CIITA: variants seen among roughly 807,000 people sequenced by gnomAD.
CIITA encodes the protein class II major histocompatibility complex transactivator, also known as MHC class II transactivator.
A neutral mutation model predicts 115.1 loss-of-function variants in CIITA; 72 were observed. That is an observed-to-expected ratio of 0.63 (90% confidence interval 0.52 to 0.76). The LOEUF is 0.76. Ranked by LOEUF, CIITA falls within the 30% of genes least tolerant of loss-of-function variation. The probability of loss-of-function intolerance (pLI) is 0.00; values close to 1 mark genes in which losing one functional copy is unlikely to be tolerated. For synonymous variants in CIITA, 763 were observed against 635.6 expected (o/e 1.20, Z -3.02); for missense variants, 1,617 against 1,463.8 (o/e 1.10, Z -1.71).
chr16:10,915,565 C>A lies in CIITA; in HGVS notation c.2889-5C>A. The A allele has an allele frequency of 1.2e-6, 2 of 1,613,786 alleles. No individual in the cohort carries two copies. The highest frequency in any genetic ancestry group is 1.7e-6 in the Non-Finnish European group (2 of 1,179,714). On this transcript the variant is annotated splice_region_variant and splice_polypyrimidine_tract_variant and intron_variant, in intron 13 of 19. Transcript: ENST00000324288. ...GAGGTCTTACCCTTGCTCTTTGCCT[C>A]CTAGGCTGGGCCCTGTCTCAGGCCC...
rs770306852 is a variant in CIITA, at chr16:10,906,643, C to T, written c.1151C>T (p.Thr384Ile). ...AAGAGCCTGGAGCGGGAACTGGCCA[C>T]CCCGGACTGGGCAGAACGGCAGCTG... The part of the protein sequence containing the change: ...SSKSLERELA[T>I]PDWAERQLAQ... The change falls in exon 11 of 20, where the codon ACC becomes ATC. Residue 384 changes from threonine (T) to isoleucine (I), a missense_variant. Thr to Ile is a moderately conservative substitution (Grantham distance 89). Coordinates refer to ENST00000324288, the MANE Select transcript of CIITA (RefSeq NM_000246.4). 1 of 1,613,894 alleles carries T rather than the reference C, an allele frequency of 6.2e-7. No homozygotes were observed. The highest frequency in any genetic ancestry group is 1.1e-5 in the South Asian group (1 of 91,082).
intron 1 of CIITA, among the ~76,000 whole-genome samples, chr16:10,880,850 T>C (rs2036350867): frequency 6.6e-6 from 1 of 152,184 alleles, no homozygotes; most frequent in Non-Finnish European, 1.5e-5. Flanking sequence ...GGTTCATCTG[T>C]AAAATGGATA....
rs2041015310 is a variant in CIITA, at chr16:10,936,172, T to C, written c.*12317T>C. 6.6e-6 allele frequency: 1 copy of C among 152,032 alleles called. No homozygotes were observed. The highest frequency in any genetic ancestry group is 2.1e-4 in the South Asian group (1 of 4,804). The allele number at this position is 152,032 out of a possible 1,614,324, so 9.4% of individuals were successfully genotyped here. A position where few individuals can be genotyped will look rare whatever the true frequency, so the allele number is the denominator to read the frequency against. On this transcript the variant is annotated 3_prime_UTR_variant, in exon 20 of 20. Coordinates refer to ENST00000324288, the MANE Select transcript of CIITA (RefSeq NM_000246.4). ...CACCTCGCTATTTTTTTTTTCCTAC[T>C]TTTTGTAGAGACGGGGTCTCACTAT...
intron 11 of CIITA, 142 bp downstream of exon 11, chr16:10,908,291 A>C: frequency 9.8e-7 from 1 of 1,022,998 alleles, no homozygotes; most frequent in Non-Finnish European, 1.5e-6. Context: ...CATTTTTAAG[A>C]TGAGGATGTT....
chr16:10,915,882 T>C (rs896384715), intron 14 of CIITA, among the ~76,000 whole-genome samples: 1 of 152,206 alleles, frequency 6.6e-6, no homozygotes, highest in Non-Finnish European at 1.5e-5. Context: ...GTCCCTTTTT[T>C]TCTCTCTTCC....
In CIITA at chr16:10,895,837, C is replaced by T. The variant is rs1176072439; in HGVS notation, c.295+73C>T. ...CTTTGCTGCCACTTGTCAATATCAC[C>T]CATTCATCATGAGCCACGTCAGTCC... On this transcript the variant is annotated intron_variant, in intron 3 of 19. Coordinates refer to ENST00000324288, the MANE Select transcript of CIITA (RefSeq NM_000246.4). 3 of 1,430,878 alleles carry T rather than the reference C, an allele frequency of 2.1e-6. No homozygotes were observed. The African/African-American group carries it at 4.2e-5, about 20-fold the overall frequency. 88.6% of individuals were successfully genotyped at this position (1,430,878 alleles called of 1,614,324 possible). A position where few individuals can be genotyped will look rare whatever the true frequency, so the allele number is the denominator to read the frequency against.
intron 3 of CIITA, 79 bp downstream of exon 3, chr16:10,895,843 A>G: frequency 2.9e-6 from 4 of 1,357,078 alleles, no homozygotes; most frequent in Non-Finnish European, 4.2e-6. Flanking sequence ...TCACCCATTC[A>G]TCATGAGCCA....
chr16:10,935,015 C>T lies in CIITA; in HGVS notation c.*11160C>T, dbSNP rs145322003. On this transcript the variant is annotated 3_prime_UTR_variant, in exon 20 of 20. Coordinates refer to ENST00000324288, the MANE Select transcript of CIITA (RefSeq NM_000246.4). ...GGTCTGACACGCCATTGACACTGAC[C>T]ACGTCATTCATTAAGCAAGCACCAA... is the stretch of plus-strand genomic sequence containing the variant. The T allele has an allele frequency of 2.8e-4, 43 of 152,364 alleles. No homozygotes were observed. The highest frequency in any genetic ancestry group is 1.0e-3 in the African/African-American group (43 of 41,582). The allele number at this position is 152,364 out of a possible 1,614,324, so 9.4% of individuals were successfully genotyped here. A position where few individuals can be genotyped will look rare whatever the true frequency, so the allele number is the denominator to read the frequency against.
intron 12 of CIITA, among the ~76,000 whole-genome samples, chr16:10,909,878 G>T (rs1282078235): frequency 6.6e-6 from 1 of 151,716 alleles, no homozygotes; most frequent in Non-Finnish European, 1.5e-5. Context: ...GGGATTATAG[G>T]TGCACGTCAT....
At chr16:10,908,456 C>A (rs144330450) in intron 11 of CIITA, 3 of 505,964 alleles carry the variant, frequency 5.9e-6, no homozygotes, top group East Asian at 7.5e-5. Flanking sequence ...TCTTTCCACC[C>A]CCTGAGCACG....
At position 10,907,249 on chromosome 16, in the gene CIITA, G is replaced by C; in HGVS notation, c.1757G>C (p.Gly586Ala). The change falls in exon 11 of 20, where the codon GGG becomes GCG. Residue 586 changes from glycine to alanine, a missense_variant. Transcript: ENST00000324288. This position sits in a 1 kb window ranked among gnomAD's most constrained non-coding sequence, Gnocchi z 5.0. Reference sequence around the variant, plus strand: ...GTGATGCGCTACTTTGAGAGCTCAGGGATGACAGAGCACCAAGACAGAGCC... The same window carrying C: ...GTGATGCGCTACTTTGAGAGCTCAGCGATGACAGAGCACCAAGACAGAGCC... ...AYVMRYFESS[G>A]MTEHQDRALT... 1 of 1,613,482 alleles carries C rather than the reference G, an allele frequency of 6.2e-7. No homozygotes were observed. The highest frequency in any genetic ancestry group is 8.5e-7 in the Non-Finnish European group (1 of 1,179,992).
intron 1 of CIITA, among the ~76,000 whole-genome samples, chr16:10,884,032 A>C (rs572603638): frequency 2.6e-5 from 4 of 152,316 alleles, no homozygotes; most frequent in African/African-American, 9.6e-5. Context: ...GTTTGTTTAC[A>C]TGAGGGTTTA....
Position 10,925,834 on chromosome 16 carries a change from G to C in CIITA, c.*1979G>C, listed in dbSNP as rs941632192. On this transcript the variant is annotated 3_prime_UTR_variant, in exon 20 of 20. Coordinates refer to ENST00000324288, the MANE Select transcript of CIITA (RefSeq NM_000246.4). The stretch of plus-strand genomic sequence containing the variant: ...AAATTAATTGTTTGGGGATGAGAAA[G>C]GTTGAAGCACCAAAAGCTTACCAAG... 2.0e-5 allele frequency: 3 copies of C among 152,242 alleles called. No individual in the cohort carries two copies. Among genetic ancestry groups the C allele is most frequent in the African/African-American group, 4.8e-5 (2 of 41,460 alleles). 9.4% of individuals were successfully genotyped at this position (152,242 alleles called of 1,614,324 possible). A position where few individuals can be genotyped will look rare whatever the true frequency, so the allele number is the denominator to read the frequency against.
intron 13 of CIITA, chr16:10,913,312 CTTTTTTCTTTTTCT>C (rs2039713563): frequency 6.9e-6 from 1 of 145,086 alleles, no homozygotes. Flanking sequence ...TTTCTTTTTC[CTTTTTTCTTTTTCT>C]TTTTTTGAGG....
intron 1 of CIITA, among the ~76,000 whole-genome samples, chr16:10,885,126 G>A (rs1322364659): frequency 6.6e-6 from 1 of 152,172 alleles, no homozygotes; most frequent in African/African-American, 2.4e-5. Flanking sequence ...TTGTGATGGT[G>A]ATTTAGACAC....
At chr16:10,922,310 C>T (rs2040317342) in intron 17 of CIITA, 60 bp downstream of exon 17, 3 of 1,606,932 alleles carry the variant, frequency 1.9e-6, no homozygotes, top group African/African-American at 2.7e-5. Context: ...ACTGAAGTCT[C>T]TCCCTGGTGT....
rs1051912740 is a variant in CIITA at position 10,929,385 on chromosome 16, C to T, written c.*5530C>T. 1 of 985,740 alleles carries T rather than the reference C, an allele frequency of 1.0e-6. No homozygotes were observed. Among genetic ancestry groups the T allele is most frequent in the Non-Finnish European group, 1.2e-6 (1 of 829,926 alleles). 61.1% of individuals were successfully genotyped at this position (985,740 alleles called of 1,614,324 possible). On this transcript the variant is annotated 3_prime_UTR_variant, in exon 20 of 20. Transcript: ENST00000324288. The surrounding 1 kb of genome is among the most constrained non-coding windows in gnomAD (Gnocchi z 4.3). Reference sequence around the variant, plus strand: ...GCTGCAAATAATCAGAAGCCAAGGCCAGGCCATCGATTTGACACTGCAGGC... The same window carrying T: ...GCTGCAAATAATCAGAAGCCAAGGCTAGGCCATCGATTTGACACTGCAGGC...
chr16:10,922,314 C>G, intron 17 of CIITA, 64 bp downstream of exon 17: 1 of 1,606,464 alleles, frequency 6.2e-7, no homozygotes, highest in African/African-American at 1.3e-5. Flanking sequence ...AAGTCTCTCC[C>G]TGGTGTCCTG....
chr16:10,867,671 C>T (rs1361504015), intron 1 of CIITA, among the ~76,000 whole-genome samples: 2 of 152,200 alleles, frequency 1.3e-5, no homozygotes, highest in Admixed American at 6.5e-5. Context: ...CTGCACTGTC[C>T]TCTTTCCACT....
Sources: allele counts gnomAD v4.1 joint callset (sites outside exome capture counted in the v4.1 genomes callset), GRCh38; gene constraint gnomAD v4.1.1; non-coding constraint Gnocchi (gnomAD v3.1); transcripts MANE v1.5; gene names NCBI Gene and HGNC (gene_info 2026-07-23, HGNC 2026-07-21).